The following SVOP variants were observed in gnomAD, a reference collection of about 807,000 sequenced individuals.
SVOP encodes the protein synaptic vesicle 2-related protein.
Under a neutral mutation model 69.1 loss-of-function variants are expected in SVOP, and 17 were observed. That is an observed-to-expected ratio of 0.25 (90% CI 0.17 to 0.37). SVOP has a LOEUF of 0.37. Ranked by LOEUF, SVOP falls within the 10% of genes least tolerant of loss-of-function variation. The pLI, the probability that SVOP is intolerant of heterozygous loss-of-function variation, is 1.00. For missense variants in SVOP, 435 were observed against 597.5 expected, an observed-to-expected ratio of 0.73 and a Z score of 2.84; for synonymous variants, 238 against 238.6, an observed-to-expected ratio of 1.00 and a Z score of 0.02.
At chr12:108,928,025 C>T (rs1318821204) in intron 11 of SVOP, among the ~76,000 whole-genome samples, 3 of 151,888 alleles carry the variant, frequency 2.0e-5, no homozygotes, top group Non-Finnish European at 4.4e-5. Context: ...CCTGACTTGG[C>T]CTCCCGAGTA....
At chr12:108,964,336 G>A (rs561130019) in intron 5 of SVOP, among the ~76,000 whole-genome samples, 7 of 151,954 alleles carry the variant, frequency 4.6e-5, no homozygotes, top group South Asian at 2.1e-4. Flanking sequence ...CTGTAACATC[G>A]GTACTGGCCA....
At chr12:108,934,111 G>A (rs757867764) in intron 11 of SVOP, 84 bp downstream of exon 11, 187 of 1,224,804 alleles carry the variant, frequency 1.5e-4, no homozygotes, top group Non-Finnish European at 2.0e-4. Flanking sequence ...TAAGGGCAGA[G>A]CCTGGGGTGG....
intron 11 of SVOP, 73 bp from the exon 12 acceptor site, chr12:108,922,870 C>T: frequency 2.0e-6 from 2 of 1,015,718 alleles, no homozygotes; most frequent in Non-Finnish European, 3.0e-6. Context: ...GCTCCCCATA[C>T]CTCCTTCCCT....
At chr12:108,931,832 CAA>C (rs34806582) in intron 11 of SVOP, among the ~76,000 whole-genome samples, 75,428 of 126,258 alleles carry the variant, frequency 0.6, 22,101 homozygotes, top group East Asian at 0.74. Context: ...GACTCCGTCT[CAA>C]AAAAAAAAAA....
At chr12:108,982,494 TCAC>T (rs2040142369) in intron 2 of SVOP, among the ~76,000 whole-genome samples, 1 of 148,192 alleles carries the variant, frequency 6.7e-6, no homozygotes, top group African/African-American at 2.5e-5. Context: ...ATCATCATCA[TCAC>T]CACCACTATC....
chr12:108,990,507 C>A (rs1366720385), intron 1 of SVOP, among the ~76,000 whole-genome samples: 1 of 91,354 alleles, frequency 1.1e-5, no homozygotes, highest in African/African-American at 4.5e-5. Flanking sequence ...CGGGACCTGT[C>A]GTGGGATAGG....
intron 1 of SVOP, among the ~76,000 whole-genome samples, chr12:109,017,237 C>T (rs2040372197): frequency 6.6e-6 from 1 of 152,070 alleles, no homozygotes; most frequent in African/African-American, 2.4e-5. Context: ...CTCATAGGAG[C>T]GTGAACCCTA....
intron 5 of SVOP, among the ~76,000 whole-genome samples, chr12:108,965,925 C>CCCTT (rs756729651): frequency 3.0e-4 from 46 of 151,222 alleles, no homozygotes; most frequent in Non-Finnish European, 5.6e-4. Flanking sequence ...TTCCCTCTCT[C>CCCTT]CCTTCCTTCC....
chr12:108,942,788 G>A (rs778285979), intron 7 of SVOP, among the ~76,000 whole-genome samples: 9 of 152,118 alleles, frequency 5.9e-5, no homozygotes, highest in East Asian at 1.9e-4. Flanking sequence ...GTTTTGAGAC[G>A]GAGTCTCACT....
At chr12:108,958,734 T>C (rs1391298697) in intron 6 of SVOP, among the ~76,000 whole-genome samples, 1 of 152,232 alleles carries the variant, frequency 6.6e-6, no homozygotes, top group East Asian at 1.9e-4. Flanking sequence ...TTGCAGAAGT[T>C]GCCTTGGCCA....
At position 108,937,346 on chromosome 12, in the gene SVOP, A is replaced by C; in HGVS notation, c.898-9T>G. 6.2e-7 allele frequency: 1 copy of C among 1,613,670 alleles called. No individual in the cohort carries two copies. The highest frequency in any genetic ancestry group is 8.5e-7 in the Non-Finnish European group (1 of 1,179,604). On this transcript the variant is annotated splice_polypyrimidine_tract_variant and intron_variant, in intron 9 of 15. Coordinates refer to ENST00000610966, the MANE Select transcript of SVOP (RefSeq NM_018711.5). Reference sequence around the variant, plus strand: ...ATTTTGCCTCGGTCTTCCTGTTTCAAAACAAGGACATAGTGTTTATTCTCT... The same window carrying C: ...ATTTTGCCTCGGTCTTCCTGTTTCACAACAAGGACATAGTGTTTATTCTCT...
At chr12:108,988,476 G>A (rs2040178750) in intron 1 of SVOP, among the ~76,000 whole-genome samples, 1 of 152,074 alleles carries the variant, frequency 6.6e-6, no homozygotes, top group Non-Finnish European at 1.5e-5. Context: ...TCTGTTTAAA[G>A]ACTGTCCTTT....
chr12:108,963,532 G>T (rs1195824420), intron 5 of SVOP, among the ~76,000 whole-genome samples: 1 of 151,848 alleles, frequency 6.6e-6, no homozygotes, highest in Non-Finnish European at 1.5e-5. Context: ...CAGTCACCCA[G>T]GCTGGAGTGC....
chr12:108,963,078 A>G (rs1236123713), intron 5 of SVOP, among the ~76,000 whole-genome samples: 2 of 152,260 alleles, frequency 1.3e-5, no homozygotes, highest in African/African-American at 2.4e-5. Flanking sequence ...TTTTTATATC[A>G]CAATCAATGC....
At chr12:108,984,720 A>C (rs2040158260) in intron 1 of SVOP, among the ~76,000 whole-genome samples, 1 of 152,070 alleles carries the variant, frequency 6.6e-6, no homozygotes, top group Non-Finnish European at 1.5e-5. Flanking sequence ...TAGTTTCTTC[A>C]TCTGGGACTC....
At chr12:108,958,316 T>A (rs374230608) in intron 6 of SVOP, among the ~76,000 whole-genome samples, 5,449 of 149,776 alleles carry the variant, frequency 0.036, 617 homozygotes, top group Admixed American at 0.22. Context: ...TTTTTTTTTT[T>A]AATTTAATAC....
At chr12:108,928,335 G>A (rs545607358) in intron 11 of SVOP, among the ~76,000 whole-genome samples, 2 of 152,134 alleles carry the variant, frequency 1.3e-5, no homozygotes, top group African/African-American at 2.4e-5. Context: ...TCAGTCTAGC[G>A]AAAATGCACA....
intron 13 of SVOP, among the ~76,000 whole-genome samples, chr12:108,919,469 C>A (rs1327654642): frequency 6.6e-6 from 1 of 151,956 alleles, no homozygotes; most frequent in Non-Finnish European, 1.5e-5. Flanking sequence ...ACACCTGGGT[C>A]TGCACCCATA....
intron 11 of SVOP, among the ~76,000 whole-genome samples, chr12:108,928,845 G>C (rs547000748): frequency 4.8e-4 from 73 of 152,074 alleles, no homozygotes; most frequent in Middle Eastern, 3.2e-3. Context: ...TGGGATTACA[G>C]GCATGAACCA....
Sources: gnomAD v4.1 joint callset for allele counts (sites outside exome capture counted in the v4.1 genomes callset) on GRCh38, gnomAD v4.1.1 for gene constraint, MANE v1.5 for transcripts, NCBI Gene and HGNC (gene_info 2026-07-23, HGNC 2026-07-21) for gene names.